PCDH15: variants seen among roughly 807,000 people sequenced by gnomAD.
PCDH15 encodes the protein protocadherin-15.
PCDH15 carries 129 observed loss-of-function variants against 178.5 expected under a neutral mutation model. The observed-to-expected ratio is 0.72, with a 90% CI of 0.63 to 0.84. The LOEUF is 0.84. Among genes scored for constraint, PCDH15 ranks in the 40% least tolerant of loss-of-function variants. PCDH15 has a pLI of 0.00. For missense variants in PCDH15, 2,230 were observed against 2,099.9 expected, an observed-to-expected ratio of 1.06 and a Z score of -1.21; for synonymous variants, 800 against 732.0, an observed-to-expected ratio of 1.09 and a Z score of -1.50.
chr10:54,930,757 T>C (rs1837752135), intron 2 of PCDH15, among the ~76,000 whole-genome samples: 1 of 152,184 alleles, frequency 6.6e-6, no homozygotes, highest in Admixed American at 6.6e-5. Context: ...AGGTCCTAGC[T>C]CATGTTCCTC....
chr10:55,058,603 C>T (rs140578575), intron 2 of PCDH15, among the ~76,000 whole-genome samples: 2 of 152,230 alleles, frequency 1.3e-5, no homozygotes, highest in South Asian at 2.1e-4. Flanking sequence ...CACAGAGACA[C>T]ATACAACTGA....
chr10:54,127,294 C>A (rs966301255), intron 15 of PCDH15, among the ~76,000 whole-genome samples: 1 of 152,116 alleles, frequency 6.6e-6, no homozygotes, highest in Admixed American at 6.6e-5. Flanking sequence ...CATTTGTTAT[C>A]CATTTGGCAA....
Position 55,599,976 on chromosome 10 carries a change from T to A in PCDH15, c.-156+27649A>T, listed in dbSNP as rs928089221. 17 of 1,482,936 alleles carry A rather than the reference T, an allele frequency of 1.1e-5. 1 individual carries two copies. The African/African-American group carries it at 2.4e-4, about 21-fold the overall frequency. The allele number at this position is 1,482,936 out of a possible 1,614,324, so 91.9% of individuals were successfully genotyped here. ...CTACCTATGAAGAGGCGGGTATAAA[T>A]AAATAGGAGAAGACCCTGTGGAGCT... is the stretch of plus-strand genomic sequence containing the variant. On this transcript the variant is annotated intron_variant, in intron 2 of 5. Transcript: ENST00000613346.
intron 10 of PCDH15, among the ~76,000 whole-genome samples, chr10:54,198,666 T>C (rs1476536165): frequency 8.2e-6 from 1 of 122,298 alleles, no homozygotes. Flanking sequence ...TACGCCCGGC[T>C]AATTTTTTGT....
At chr10:54,899,697 G>A (rs543524337) in intron 2 of PCDH15, among the ~76,000 whole-genome samples, 11 of 152,030 alleles carry the variant, frequency 7.2e-5, no homozygotes, top group East Asian at 1.9e-4. Flanking sequence ...GGGTTTCACC[G>A]TATTAGCTAG....
chr10:54,346,014 T>G (rs1013623342), intron 6 of PCDH15, among the ~76,000 whole-genome samples: 1 of 152,060 alleles, frequency 6.6e-6, no homozygotes, highest in Non-Finnish European at 1.5e-5. Flanking sequence ...AGCAACAATA[T>G]TGGTATTAAT....
At chr10:55,218,627 G>A (rs1490978158) in intron 1 of PCDH15, among the ~76,000 whole-genome samples, 1 of 151,952 alleles carries the variant, frequency 6.6e-6, no homozygotes, top group Non-Finnish European at 1.5e-5. Flanking sequence ...TTCGTTGATA[G>A]GTAAGCCATC....
intron 2 of PCDH15, among the ~76,000 whole-genome samples, chr10:54,533,434 C>G (rs879807926): frequency 2.3e-4 from 35 of 151,664 alleles, no homozygotes; most frequent in Non-Finnish European, 4.3e-4. Context: ...TTATTTGGAA[C>G]AAGTTATGAA....
intron 1 of PCDH15, among the ~76,000 whole-genome samples, chr10:54,737,231 C>A (rs1448804180): frequency 6.6e-6 from 1 of 151,998 alleles, no homozygotes; most frequent in Non-Finnish European, 1.5e-5. Flanking sequence ...TGGCTATCTG[C>A]CCTGGATATA....
intron 2 of PCDH15, among the ~76,000 whole-genome samples, chr10:55,057,311 C>T (rs778993375): frequency 3.3e-5 from 5 of 151,948 alleles, no homozygotes; most frequent in Non-Finnish European, 7.4e-5. Flanking sequence ...TTGTTAAGAA[C>T]AAAACAAAAT....
chr10:54,518,807 C>A lies in PCDH15; in HGVS notation c.157+9005G>T, dbSNP rs193073403. Among the ~76,000 whole-genome samples the A allele has an allele frequency of 2.7e-3, 417 of 152,268 alleles. 2 individuals are homozygous for A. The highest frequency in any genetic ancestry group is 9.7e-3 in the African/African-American group (404 of 41,542). ...CCTTGATGAACATTGATGCAGAAAT[C>A]CTCAATAAAATACTGGCAAACCAAA... On this transcript the variant is annotated intron_variant, in intron 3 of 37. Transcript: ENST00000644397.
At chr10:55,437,006 G>A (rs980977028) in intron 2 of PCDH15, among the ~76,000 whole-genome samples, 1 of 152,116 alleles carries the variant, frequency 6.6e-6, no homozygotes, top group Non-Finnish European at 1.5e-5. Flanking sequence ...CCTCAGAAGA[G>A]TCATTTTGTT....
At chr10:54,330,839 G>C (rs1939370239) in intron 6 of PCDH15, among the ~76,000 whole-genome samples, 1 of 151,900 alleles carries the variant, frequency 6.6e-6, no homozygotes, top group African/African-American at 2.4e-5. Flanking sequence ...TTTCTAGTAG[G>C]CTCAATAACT....
intron 2 of PCDH15, among the ~76,000 whole-genome samples, chr10:54,994,188 G>C (rs1839578811): frequency 6.6e-6 from 1 of 151,982 alleles, no homozygotes; most frequent in Non-Finnish European, 1.5e-5. Context: ...ACCGCAACCT[G>C]GCTTCACCTT....
chr10:54,799,235 AATTT>A (rs2133686069), intron 1 of PCDH15, among the ~76,000 whole-genome samples: 1 of 152,170 alleles, frequency 6.6e-6, no homozygotes, highest in South Asian at 2.1e-4. Flanking sequence ...GCATAAAAAC[AATTT>A]ATGTCTGCCT....
At chr10:55,598,033 C>T (rs1021196163) in intron 2 of PCDH15, among the ~76,000 whole-genome samples, 5 of 152,110 alleles carry the variant, frequency 3.3e-5, no homozygotes, top group African/African-American at 1.2e-4. Context: ...AAACACTTTG[C>T]TCGACCACAC....
intron 1 of PCDH15, among the ~76,000 whole-genome samples, chr10:54,751,211 A>G (rs879377390): frequency 2.2e-4 from 34 of 152,104 alleles, no homozygotes; most frequent in Non-Finnish European, 4.3e-4. Flanking sequence ...ATTCTTCCCA[A>G]CTTTGCCAGA....
chr10:54,242,922 C>T (rs1366579853), intron 8 of PCDH15, among the ~76,000 whole-genome samples: 1 of 152,094 alleles, frequency 6.6e-6, no homozygotes, highest in Admixed American at 6.5e-5. Flanking sequence ...TAATATTCCA[C>T]TTATCATTGC....
chr10:55,182,283 T>C (rs1246690480), intron 1 of PCDH15, among the ~76,000 whole-genome samples: 1 of 151,936 alleles, frequency 6.6e-6, no homozygotes, highest in African/African-American at 2.4e-5. Context: ...AAATTACACC[T>C]GACTTCAAAG....
Sources: gnomAD v4.1 joint callset for allele counts (sites outside exome capture counted in the v4.1 genomes callset) on GRCh38, gnomAD v4.1.1 for gene constraint, MANE v1.5 for transcripts, NCBI Gene and HGNC (gene_info 2026-07-23, HGNC 2026-07-21) for gene names.